The following SPOCK3 variants were observed in gnomAD, a reference collection of about 807,000 sequenced individuals.
SPOCK3 encodes the protein SPARC (osteonectin), cwcv and kazal like domains proteoglycan 3, also known as testican-3.
In SPOCK3, 30 loss-of-function variants were observed where a neutral mutation model predicts 56.6. The ratio of observed to expected loss-of-function variants is 0.53; its 90% CI spans 0.40 to 0.72. The LOEUF (loss-of-function observed/expected upper bound fraction) is 0.72, where lower values mean the gene tolerates loss of function less well. Among genes scored for constraint, SPOCK3 ranks in the 30% least tolerant of loss-of-function variants. The probability of loss-of-function intolerance (pLI) is 0.00; values close to 1 mark genes in which losing one functional copy is unlikely to be tolerated. For synonymous variants in SPOCK3, 196 were observed against 183.3 expected (o/e 1.07, Z -0.56); for missense variants, 527 against 530.0 (o/e 0.99, Z 0.06).
At chr4:166,877,915 T>A (rs1162801408) in intron 6 of SPOCK3, among the ~76,000 whole-genome samples, 1 of 152,086 alleles carries the variant, frequency 6.6e-6, no homozygotes, top group African/African-American at 2.4e-5. Context: ...ATTAAGTAAA[T>A]CATCTATTGC....
intron 2 of SPOCK3, among the ~76,000 whole-genome samples, chr4:167,127,909 CT>C (rs1421501893): frequency 1.3e-5 from 2 of 152,208 alleles, no homozygotes; most frequent in African/African-American, 4.8e-5. Context: ...TTACCATACA[CT>C]TGTGACAACA....
chr4:166,808,913 C>T (rs1028467614), intron 6 of SPOCK3, among the ~76,000 whole-genome samples: 22 of 151,906 alleles, frequency 1.4e-4, no homozygotes, highest in Non-Finnish European at 2.8e-4. Flanking sequence ...CATTTTCCTC[C>T]CACTTGAAAT....
chr4:167,103,523 G>A (rs561992163), intron 2 of SPOCK3, among the ~76,000 whole-genome samples: 1 of 152,278 alleles, frequency 6.6e-6, no homozygotes, highest in Non-Finnish European at 1.5e-5. Context: ...GGACAGGGAA[G>A]AGTGGGAAGG....
intron 6 of SPOCK3, among the ~76,000 whole-genome samples, chr4:166,829,589 C>G (rs1480393250): frequency 1.3e-5 from 2 of 152,056 alleles, no homozygotes; most frequent in East Asian, 3.9e-4. Flanking sequence ...TACTAATCGT[C>G]TCAATACAGA....
chr4:167,065,309 C>T (rs569851689), intron 2 of SPOCK3, among the ~76,000 whole-genome samples: 1 of 151,820 alleles, frequency 6.6e-6, no homozygotes, highest in East Asian at 1.9e-4. Flanking sequence ...GTCAAAGCAG[C>T]ATGTTTCACA....
chr4:167,199,612 G>T (rs1733314934), intron 2 of SPOCK3, among the ~76,000 whole-genome samples: 2 of 151,344 alleles, frequency 1.3e-5, no homozygotes, highest in Non-Finnish European at 2.9e-5. Flanking sequence ...ACAGATGTTT[G>T]CAAGAATAGC....
At chr4:167,013,228 A>C (rs1222357201) in intron 3 of SPOCK3, among the ~76,000 whole-genome samples, 1 of 152,004 alleles carries the variant, frequency 6.6e-6, no homozygotes, top group Non-Finnish European at 1.5e-5. Flanking sequence ...ATGTTTATTA[A>C]AAGCAAAAGC....
At chr4:167,093,244 C>T (rs1055357507) in intron 2 of SPOCK3, among the ~76,000 whole-genome samples, 4 of 151,956 alleles carry the variant, frequency 2.6e-5, no homozygotes. Flanking sequence ...TACTCAATTC[C>T]CCAATAATCA....
At chr4:166,927,071 T>C (rs1739190769) in intron 4 of SPOCK3, among the ~76,000 whole-genome samples, 1 of 152,154 alleles carries the variant, frequency 6.6e-6, no homozygotes, top group South Asian at 2.1e-4. Context: ...ACAGAAAACC[T>C]AATATGAAGT....
chr4:167,202,689 C>T lies in SPOCK3; in HGVS notation c.189+31296G>A, dbSNP rs192659591. Among the ~76,000 whole-genome samples, 80 of 151,862 alleles carry T rather than the reference C, an allele frequency of 5.3e-4. 1 individual carries two copies. The highest frequency in any genetic ancestry group is 1.8e-3 in the African/African-American group (73 of 41,460). ...AGATATGACTGCATCACCTTCCACC[C>T]ATGAAATAAGGATCTCTTTATACTT... On this transcript the variant is annotated intron_variant, in intron 2 of 10. Transcript: ENST00000357545.
chr4:166,775,439 G>C (rs1323629770), intron 7 of SPOCK3, among the ~76,000 whole-genome samples: 4 of 152,244 alleles, frequency 2.6e-5, no homozygotes, highest in Non-Finnish European at 5.9e-5. Context: ...GGGTTTGTGT[G>C]GGGTATCTGG....
In SPOCK3 at chr4:166,913,360, C is replaced by G. The variant is rs139969217; in HGVS notation, c.351-617G>C. On this transcript the variant is annotated intron_variant, in intron 4 of 10. Transcript: ENST00000357545. ...CATTCTCTTCTGCCACCTACACTTACGATTGTTTGTTTCCCCACTTTGGTT... is the reference window on the plus strand; with the variant it reads ...CATTCTCTTCTGCCACCTACACTTAGGATTGTTTGTTTCCCCACTTTGGTT... Among the ~76,000 whole-genome samples the G allele has an allele frequency of 5.8e-4, 88 of 152,128 alleles. 2 individuals are homozygous for G. Among genetic ancestry groups the G allele is most frequent in the Non-Finnish European group, 1.9e-4 (13 of 68,014 alleles).
chr4:166,894,797 A>C (rs1247407512), intron 5 of SPOCK3, among the ~76,000 whole-genome samples: 1 of 152,190 alleles, frequency 6.6e-6, no homozygotes, highest in Non-Finnish European at 1.5e-5. Context: ...CCTCTGGACC[A>C]GTATATCTCT....
At chr4:166,892,347 A>G (rs1309607851) in intron 5 of SPOCK3, among the ~76,000 whole-genome samples, 1 of 151,936 alleles carries the variant, frequency 6.6e-6, no homozygotes, top group Non-Finnish European at 1.5e-5. Flanking sequence ...ATGCATTTCT[A>G]TAAAGAATAA....
intron 6 of SPOCK3, among the ~76,000 whole-genome samples, chr4:166,841,189 C>A (rs1459041805): frequency 6.6e-6 from 1 of 151,954 alleles, no homozygotes; most frequent in East Asian, 1.9e-4. Context: ...CCGACATAAA[C>A]ACGCTAGAAA....
intron 2 of SPOCK3, among the ~76,000 whole-genome samples, chr4:167,066,065 G>A (rs999211772): frequency 3.3e-5 from 5 of 149,286 alleles, no homozygotes; most frequent in Admixed American, 1.3e-4. Context: ...ATAACTATAA[G>A]TTTTCCACAA....
At chr4:167,134,016 C>A (rs925024395) in intron 2 of SPOCK3, among the ~76,000 whole-genome samples, 5 of 142,314 alleles carry the variant, frequency 3.5e-5, no homozygotes, top group Admixed American at 1.4e-4. Context: ...ACTTTTACAC[C>A]TTTTTCTTTT....
intron 4 of SPOCK3, among the ~76,000 whole-genome samples, chr4:166,956,578 ATTGT>A (rs1743501188): frequency 6.6e-6 from 1 of 152,166 alleles, no homozygotes; most frequent in Admixed American, 6.5e-5. Flanking sequence ...ACACTTATAA[ATTGT>A]TTATTTCTGA....
chr4:167,047,369 TCTAA>T (rs1753826299), intron 3 of SPOCK3, among the ~76,000 whole-genome samples: 1 of 152,216 alleles, frequency 6.6e-6, no homozygotes, highest in Non-Finnish European at 1.5e-5. Context: ...GAAGATGTAT[TCTAA>T]CAACCTGATG....
Sources: gnomAD v4.1 joint callset for allele counts (sites outside exome capture counted in the v4.1 genomes callset) on GRCh38, gnomAD v4.1.1 for gene constraint, MANE v1.5 for transcripts, NCBI Gene and HGNC (gene_info 2026-07-23, HGNC 2026-07-21) for gene names.